Variants in ALDH1L1 observed in about 807,000 individuals in gnomAD.
ALDH1L1 encodes the protein cytosolic 10-formyltetrahydrofolate dehydrogenase.
A neutral mutation model predicts 101.1 loss-of-function variants in ALDH1L1; 68 were observed. That is an observed-to-expected ratio of 0.67 (90% CI 0.55 to 0.82). The LOEUF is 0.82. Among genes scored for constraint, ALDH1L1 ranks in the 40% least tolerant of loss-of-function variants. ALDH1L1 has a pLI of 0.00. For missense variants in ALDH1L1, 1,087 were observed against 1,172.7 expected, an observed-to-expected ratio of 0.93 and a Z score of 1.07; for synonymous variants, 486 against 470.8, an observed-to-expected ratio of 1.03 and a Z score of -0.42.
chr3:126,154,498 T>A, intron 6 of ALDH1L1, 56 bp downstream of exon 6: 1 of 1,535,784 alleles, frequency 6.5e-7, no homozygotes, highest in Non-Finnish European at 9.0e-7. Context: ...GACAGTTTAA[T>A]GGCCAGTGGG....
rs1290799844 is a variant in ALDH1L1, at chr3:126,105,531, A to G, written c.2653+195T>C. 3 of 667,482 alleles carry G rather than the reference A, an allele frequency of 4.5e-6. No homozygotes were observed. In the African/African-American group the frequency reaches 5.3e-5, roughly 12 times the overall value. The allele number at this position is 667,482 out of a possible 1,614,324, so 41.3% of individuals were successfully genotyped here. On this transcript the variant is annotated intron_variant, in intron 22 of 22. Transcript: ENST00000393434. The stretch of plus-strand genomic sequence containing the variant: ...AGGCCCCTCTTCTTGCCTTCTTCCC[A>G]GCACGACCCCCCTCTGCAAGCATCT...
intron 8 of ALDH1L1, among the ~76,000 whole-genome samples, chr3:126,148,881 G>T (rs995652545): frequency 6.6e-6 from 1 of 152,210 alleles, no homozygotes; most frequent in Non-Finnish European, 1.5e-5. Context: ...TGTCTAGGGG[G>T]TCACACATGT....
At chr3:126,165,945 T>G in intron 1 of ALDH1L1, among the ~76,000 whole-genome samples, 1 of 152,228 alleles carries the variant, frequency 6.6e-6, no homozygotes, top group East Asian at 1.9e-4. Context: ...TAATTTTTAC[T>G]TCTTTTCTTT....
intron 8 of ALDH1L1, 69 bp from the exon 9 acceptor site, chr3:126,146,995 A>C: frequency 6.9e-7 from 1 of 1,446,368 alleles, no homozygotes; most frequent in Non-Finnish European, 9.5e-7. Flanking sequence ...CCAGGACAAC[A>C]ACCCCTGAAC....
At chr3:126,104,046 A>T (rs1945772175) in intron 22 of ALDH1L1, 200 bp from the exon 23 acceptor site, 1 of 609,178 alleles carries the variant, frequency 1.6e-6, no homozygotes, top group African/African-American at 1.9e-5. Flanking sequence ...GACTCCCCAG[A>T]ATACAAAGCC....
intron 1 of ALDH1L1, among the ~76,000 whole-genome samples, chr3:126,162,233 G>T (rs1418440996): frequency 6.6e-6 from 1 of 152,154 alleles, no homozygotes. Context: ...TGTACTTAGG[G>T]TGGAATTCCT....
intron 1 of ALDH1L1, among the ~76,000 whole-genome samples, chr3:126,196,526 C>G (rs2081582881): frequency 6.6e-6 from 1 of 151,768 alleles, no homozygotes. Context: ...TTTTAAATTT[C>G]TTATTACCTG....
At chr3:126,112,355 G>A (rs568677239) in intron 19 of ALDH1L1, among the ~76,000 whole-genome samples, 30 of 152,232 alleles carry the variant, frequency 2.0e-4, no homozygotes, top group Middle Eastern at 3.4e-3. Flanking sequence ...TGTGTAGGGG[G>A]ATTCGTGCTC....
intron 8 of ALDH1L1, 38 bp downstream of exon 8, chr3:126,150,368 C>T (rs532336767): frequency 1.6e-5 from 24 of 1,546,762 alleles, no homozygotes; most frequent in Non-Finnish European, 2.0e-5. Flanking sequence ...ACGGCACAAC[C>T]TGCCCAACTG....
At chr3:126,144,450 C>G (rs2080631971) in intron 9 of ALDH1L1, among the ~76,000 whole-genome samples, 3 of 152,150 alleles carry the variant, frequency 2.0e-5, no homozygotes, top group African/African-American at 7.2e-5. Context: ...TTCCTGATTT[C>G]AAAATTTACT....
intron 1 of ALDH1L1, among the ~76,000 whole-genome samples, chr3:126,192,818 T>C (rs2081560250): frequency 6.6e-6 from 1 of 152,180 alleles, no homozygotes; most frequent in Non-Finnish European, 1.5e-5. Context: ...AGGAGTTTAA[T>C]TGAGTGATGA....
intron 1 of ALDH1L1, chr3:126,179,919 T>C (rs2081440011): frequency 6.6e-6 from 1 of 152,188 alleles, no homozygotes; most frequent in African/African-American, 2.4e-5. Flanking sequence ...TTGAGCGCAG[T>C]GGCTGGAGCT....
In ALDH1L1 at chr3:126,155,483, G is replaced by T. The variant is rs749941071; in HGVS notation, c.549C>A (p.Ile183=). ...IKGMVQAVRL[I]AEGKAPRLPQ... ...GGAGTCTGGGGGCTTTGCCCTCAGC[G>T]ATCAGCCTCACGGCCTGCACCTGGG... Residue 183 remains isoleucine, a synonymous_variant, in exon 5 of 23, where the codon ATC becomes ATA. Coordinates refer to ENST00000393434, the MANE Select transcript of ALDH1L1 (RefSeq NM_012190.4). 6.2e-7 allele frequency: 1 copy of T among 1,612,750 alleles called. No individual in the cohort carries two copies. The highest frequency in any genetic ancestry group is 1.7e-4 in the Middle Eastern group (1 of 6,060).
chr3:126,153,333 G>T (rs773878984), intron 7 of ALDH1L1, 111 bp downstream of exon 7: 104 of 1,557,758 alleles, frequency 6.7e-5, no homozygotes, highest in Middle Eastern at 1.7e-4. Context: ...CCTGGGTCTG[G>T]TTTTTTCCAT....
rs540867406 is a variant in ALDH1L1, at chr3:126,133,678, G to A, written c.1472+1857C>T. Among the ~76,000 whole-genome samples, 6 of 152,348 alleles carry A rather than the reference G, an allele frequency of 3.9e-5. No individual in the cohort carries two copies. The East Asian group carries it at 9.7e-4, about 25-fold the overall frequency. On this transcript the variant is annotated intron_variant, in intron 12 of 22. Coordinates refer to ENST00000393434, the MANE Select transcript of ALDH1L1 (RefSeq NM_012190.4). ...CACCCTGGCACCCATGCTCCCCAGA[G>A]CCCAGTCCCTGGGTGCCAGGGTAGC...
At chr3:126,125,861 G>T in intron 14 of ALDH1L1, 140 bp from the exon 15 acceptor site, 1 of 545,318 alleles carries the variant, frequency 1.8e-6, no homozygotes, top group Non-Finnish European at 3.2e-6. Flanking sequence ...AGGTCCCTCT[G>T]AGAGGCAGCT....
intron 2 of ALDH1L1, 36 bp downstream of exon 2, chr3:126,160,817 C>T: frequency 6.2e-7 from 1 of 1,607,778 alleles, no homozygotes; most frequent in Non-Finnish European, 8.5e-7. Context: ...GGCGGGCCGC[C>T]CTCCATCAGC....
intron 22 of ALDH1L1, 59 bp downstream of exon 22, chr3:126,105,667 T>C (rs527240262): frequency 2.3e-5 from 37 of 1,597,696 alleles, no homozygotes; most frequent in Non-Finnish European, 3.2e-5. Context: ...TAAGTGGTTT[T>C]GAACAGATGT....
chr3:126,153,248 TG>T (rs2108284659), intron 7 of ALDH1L1, 195 bp downstream of exon 7: 1 of 772,438 alleles, frequency 1.3e-6, no homozygotes, highest in Non-Finnish European at 2.1e-6. Context: ...AACAGAGAAG[TG>T]GGTAAACTGC....
Sources: allele counts gnomAD v4.1 joint callset (sites outside exome capture counted in the v4.1 genomes callset), GRCh38; gene constraint gnomAD v4.1.1; transcripts MANE v1.5; gene names NCBI Gene and HGNC (gene_info 2026-07-23, HGNC 2026-07-21).